Variants in GRM1 observed in about 807,000 individuals in gnomAD.
GRM1 encodes metabotropic glutamate receptor 1.
GRM1 carries 33 observed loss-of-function variants against 90.9 expected under a neutral mutation model. The observed-to-expected ratio is 0.36, with a 90% confidence interval of 0.28 to 0.49. GRM1 has a LOEUF of 0.49. Among genes scored for constraint, GRM1 ranks in the 20% least tolerant of loss-of-function variants. The pLI, the probability that GRM1 is intolerant of heterozygous loss-of-function variation, is 0.99. For synonymous variants in GRM1, 700 were observed against 613.2 expected, an observed-to-expected ratio of 1.14 and a Z score of -2.09; for missense variants, 1,190 against 1,534.3, an observed-to-expected ratio of 0.78 and a Z score of 3.75.
At position 146,437,539 on chromosome 6, in the gene GRM1, G is replaced by A. The variant is rs1244942675; in HGVS notation, c.*2743G>A. The A allele has an allele frequency of 6.6e-6, 1 of 152,414 alleles. No homozygotes were observed. The highest frequency in any genetic ancestry group is 2.4e-5 in the African/African-American group (1 of 41,302). The allele number at this position is 152,414 out of a possible 1,614,324, so 9.4% of individuals were successfully genotyped here. ...TTGTAAATGTGTTTTCCTTCGGCTTGTTACTGCCTTTTGTCAAATAATCTT... is the reference window on the plus strand; with the variant it reads ...TTGTAAATGTGTTTTCCTTCGGCTTATTACTGCCTTTTGTCAAATAATCTT... On this transcript the variant is annotated 3_prime_UTR_variant, in exon 8 of 8. Transcript: ENST00000282753.
intron 1 of GRM1, among the ~76,000 whole-genome samples, chr6:146,150,927 CGCGT>C (rs201570383): frequency 0.067 from 5,838 of 87,226 alleles, 136 homozygotes; most frequent in South Asian, 0.11. Flanking sequence ...AACACACACA[CGCGT>C]GTGCGCGCAC....
intron 2 of GRM1, among the ~76,000 whole-genome samples, chr6:146,236,432 C>T (rs553024322): frequency 6.6e-6 from 1 of 152,176 alleles, no homozygotes; most frequent in African/African-American, 2.4e-5. Context: ...GTTCGTTCTA[C>T]ATTTTTGACA....
At position 146,399,944 on chromosome 6, in the gene GRM1, G is replaced by C. The variant is rs1777097977; in HGVS notation, c.2660+245G>C. 6.6e-6 allele frequency among the ~76,000 whole-genome samples: 1 copy of C among 152,244 alleles called. No individual in the cohort carries two copies. The highest frequency in any genetic ancestry group is 2.1e-4 in the South Asian group (1 of 4,826). ...TGTTTTCATTTCTTTGAAAGAAAAG[G>C]AGCAGGAAACAATCTTTATTCTTGC... On this transcript the variant is annotated intron_variant, in intron 7 of 7. Coordinates refer to ENST00000282753, the MANE Select transcript of GRM1 (RefSeq NM_001278064.2). This position sits in a 1 kb window ranked among gnomAD's most constrained non-coding sequence, Gnocchi z 5.4.
At chr6:146,126,725 G>A (rs890259728) in intron 1 of GRM1, among the ~76,000 whole-genome samples, 18 of 152,220 alleles carry the variant, frequency 1.2e-4, no homozygotes, top group African/African-American at 4.3e-4. Flanking sequence ...AATTTTAGAA[G>A]CTCTTTTTAA....
At chr6:146,259,612 G>A (rs1781607414) in intron 2 of GRM1, among the ~76,000 whole-genome samples, 1 of 152,098 alleles carries the variant, frequency 6.6e-6, no homozygotes, top group Non-Finnish European at 1.5e-5. Context: ...GTTCATTCAT[G>A]TTGTTTCAGA....
chr6:146,178,942 C>A (rs905277847), intron 2 of GRM1, among the ~76,000 whole-genome samples: 2 of 152,060 alleles, frequency 1.3e-5, no homozygotes, highest in Admixed American at 1.3e-4. Context: ...CACAACAAGG[C>A]CTCTAATCTG....
At chr6:146,370,859 A>G (rs139431171) in intron 5 of GRM1, among the ~76,000 whole-genome samples, 144 of 152,218 alleles carry the variant, frequency 9.5e-4, no homozygotes, top group African/African-American at 3.0e-3. Context: ...GTGTAATTCT[A>G]TATAGAGTGC....
intron 3 of GRM1, 103 bp downstream of exon 3, chr6:146,304,949 AAAGAC>A: frequency 1.2e-6 from 1 of 844,978 alleles, no homozygotes; most frequent in Non-Finnish European, 2.0e-6. Flanking sequence ...CTAGAGATCC[AAAGAC>A]AAAATTGCCA....
intron 7 of GRM1, among the ~76,000 whole-genome samples, chr6:146,402,601 T>C (rs1212429079): frequency 1.3e-5 from 2 of 152,028 alleles, no homozygotes; most frequent in African/African-American, 2.4e-5. Flanking sequence ...ATTCCTACAT[T>C]TATGGTACAC....
chr6:146,146,435 C>T (rs1312924299), intron 1 of GRM1, among the ~76,000 whole-genome samples: 1 of 151,904 alleles, frequency 6.6e-6, no homozygotes, highest in African/African-American at 2.4e-5. Flanking sequence ...TCACATGTTC[C>T]CAGATGAAAT....
At chr6:146,382,452 T>C (rs972220844) in intron 5 of GRM1, among the ~76,000 whole-genome samples, 3 of 152,022 alleles carry the variant, frequency 2.0e-5, no homozygotes, top group African/African-American at 4.8e-5. Flanking sequence ...GAGTTCCACA[T>C]AAAATAATGC....
At chr6:146,389,177 C>T (rs1047129978) in intron 6 of GRM1, among the ~76,000 whole-genome samples, 1 of 151,986 alleles carries the variant, frequency 6.6e-6, no homozygotes, top group Non-Finnish European at 1.5e-5. Context: ...GACAGTCATT[C>T]CACTCATCTG....
At chr6:146,038,313 G>T (rs540060056) in intron 1 of GRM1, among the ~76,000 whole-genome samples, 14 of 151,984 alleles carry the variant, frequency 9.2e-5, no homozygotes, top group African/African-American at 3.4e-4. Flanking sequence ...AGGGTGGCTA[G>T]AGTTGAAATC....
chr6:146,237,487 T>C (rs1780692329), intron 2 of GRM1, among the ~76,000 whole-genome samples: 1 of 152,110 alleles, frequency 6.6e-6, no homozygotes, highest in Non-Finnish European at 1.5e-5. Context: ...AAAATATTTT[T>C]ACAAATAGTT....
chr6:146,146,662 C>T (rs984621597), intron 1 of GRM1, among the ~76,000 whole-genome samples: 3 of 152,008 alleles, frequency 2.0e-5, no homozygotes, highest in African/African-American at 7.2e-5. Context: ...GAGGGACTGC[C>T]CTCATGAGTA....
At position 146,146,103 on chromosome 6, in the gene GRM1, C is replaced by CTTTT. The variant is rs35329703; in HGVS notation, c.701-13212_701-13209dup. Among the ~76,000 whole-genome samples the CTTTT allele has an allele frequency of 4.0e-4, 8 of 19,950 alleles. 3 individuals are homozygous for CTTTT. Among genetic ancestry groups the CTTTT allele is most frequent in the Non-Finnish European group, 8.5e-4 (8 of 9,434 alleles). The allele number at this position is 19,950 out of a possible 152,430, so 13.1% of individuals were successfully genotyped here. On this transcript the variant is annotated intron_variant, in intron 1 of 7. Transcript: ENST00000282753. ...CTGTGCCTATGTACTACCATTGTAT[C>CTTTT]TTTTTTTTTTTTTTTTTTTTTTTTT... is the stretch of plus-strand genomic sequence containing the variant.
chr6:146,060,970 T>A (rs914587748), intron 1 of GRM1, among the ~76,000 whole-genome samples: 3 of 152,158 alleles, frequency 2.0e-5, no homozygotes, highest in Admixed American at 2.0e-4. Context: ...TATCTCATTG[T>A]GGTTTTGATT....
intron 2 of GRM1, among the ~76,000 whole-genome samples, chr6:146,240,630 T>G (rs1398515234): frequency 6.6e-6 from 1 of 152,018 alleles, no homozygotes; most frequent in African/African-American, 2.4e-5. Context: ...CCAAAGCAAT[T>G]CTAAGGGTCA....
intron 7 of GRM1, among the ~76,000 whole-genome samples, chr6:146,403,982 T>C (rs1318398113): frequency 6.6e-6 from 1 of 152,112 alleles, no homozygotes; most frequent in African/African-American, 2.4e-5. Context: ...AATTCTCTCT[T>C]CTAACTACTT....
Sources: allele counts gnomAD v4.1 joint callset (sites outside exome capture counted in the v4.1 genomes callset), GRCh38; gene constraint gnomAD v4.1.1; non-coding constraint Gnocchi (gnomAD v3.1); transcripts MANE v1.5; gene names NCBI Gene and HGNC (gene_info 2026-07-23, HGNC 2026-07-21).